The following ASTN2 variants were observed in gnomAD, a reference collection of about 807,000 sequenced individuals.
ASTN2 encodes the protein astrotactin 2.
ASTN2 carries 54 observed loss-of-function variants against 139.8 expected under a neutral mutation model. That is an observed-to-expected ratio of 0.39 (90% CI 0.31 to 0.48). ASTN2 has a LOEUF of 0.48. Among genes scored for constraint, ASTN2 ranks in the 20% least tolerant of loss-of-function variants. ASTN2 has a pLI of 0.95. For synonymous variants in ASTN2, 756 were observed against 719.5 expected (o/e 1.05, Z -0.81); for missense variants, 1,565 against 1,725.1 (o/e 0.91, Z 1.64).
intron 5 of ASTN2, among the ~76,000 whole-genome samples, chr9:117,080,402 G>A (rs144569553): frequency 5.3e-5 from 8 of 152,024 alleles, no homozygotes; most frequent in Non-Finnish European, 1.0e-4. Flanking sequence ...TTCAGTATTA[G>A]AGATTATGCT....
At chr9:116,505,654 C>T (rs755671488) in intron 19 of ASTN2, among the ~76,000 whole-genome samples, 7 of 152,144 alleles carry the variant, frequency 4.6e-5, no homozygotes, top group East Asian at 1.9e-4. Flanking sequence ...CAAGAAGTGG[C>T]GATGGGTCGG....
intron 19 of ASTN2, chr9:116,612,549 A>C (rs1855600416): frequency 1.3e-5 from 2 of 152,326 alleles, no homozygotes; most frequent in Admixed American, 1.3e-4. Context: ...TCAAACTAGA[A>C]CTCAGGATTA....
At chr9:116,924,438 A>T (rs556266114) in intron 10 of ASTN2, among the ~76,000 whole-genome samples, 34 of 151,066 alleles carry the variant, frequency 2.3e-4, no homozygotes, top group African/African-American at 8.2e-4. Flanking sequence ...TCAAAAAAAA[A>T]AAAAAAAAAA....
chr9:117,305,747 T>C (rs753242883), intron 1 of ASTN2, among the ~76,000 whole-genome samples: 2 of 152,278 alleles, frequency 1.3e-5, no homozygotes, highest in African/African-American at 2.4e-5. Context: ...GTGCTTACTC[T>C]GTGCGAGTCT....
At chr9:117,361,910 T>C (rs1481496820) in intron 1 of ASTN2, among the ~76,000 whole-genome samples, 1 of 152,200 alleles carries the variant, frequency 6.6e-6, no homozygotes, top group Admixed American at 6.5e-5. Flanking sequence ...CAGTGAATGA[T>C]GGCTAAGATT....
chr9:117,089,826 A>G (rs967999744), intron 5 of ASTN2, among the ~76,000 whole-genome samples: 36 of 152,158 alleles, frequency 2.4e-4, no homozygotes, highest in African/African-American at 8.5e-4. Flanking sequence ...ATAGTCTCCA[A>G]TCTCATCCAG....
intron 6 of ASTN2, among the ~76,000 whole-genome samples, chr9:117,015,766 A>C (rs1207369742): frequency 6.6e-6 from 1 of 152,128 alleles, no homozygotes; most frequent in Non-Finnish European, 1.5e-5. Flanking sequence ...ACATGAAAGT[A>C]CTTTTTTTTT....
At chr9:116,909,807 T>A (rs1834262936) in intron 10 of ASTN2, among the ~76,000 whole-genome samples, 1 of 152,050 alleles carries the variant, frequency 6.6e-6, no homozygotes, top group African/African-American at 2.4e-5. Flanking sequence ...CAGGAAGGAG[T>A]GACCAGCTAT....
intron 3 of ASTN2, among the ~76,000 whole-genome samples, chr9:117,151,572 C>T (rs1270396829): frequency 6.6e-6 from 1 of 152,140 alleles, no homozygotes; most frequent in South Asian, 2.1e-4. Context: ...CATCATAATA[C>T]TGAGAACCTG....
intron 1 of ASTN2, among the ~76,000 whole-genome samples, chr9:117,333,546 G>A (rs1310824363): frequency 6.6e-6 from 1 of 152,108 alleles, no homozygotes; most frequent in Non-Finnish European, 1.5e-5. Context: ...TATTGCAGGG[G>A]GGGTTGGAAC....
chr9:116,682,336 A>C (rs1859932855), intron 16 of ASTN2, among the ~76,000 whole-genome samples: 1 of 152,244 alleles, frequency 6.6e-6, no homozygotes, highest in South Asian at 2.1e-4. Context: ...ATACCATCTC[A>C]CACCAGTTAG....
intron 5 of ASTN2, 22 bp from the exon 6 acceptor site, chr9:117,039,987 A>C: frequency 6.3e-7 from 1 of 1,588,812 alleles, no homozygotes; most frequent in South Asian, 1.1e-5. Flanking sequence ...AACATACACA[A>C]AGACACAAAA....
intron 10 of ASTN2, among the ~76,000 whole-genome samples, chr9:116,932,225 C>T (rs1189158253): frequency 6.6e-6 from 1 of 152,096 alleles, no homozygotes; most frequent in Non-Finnish European, 1.5e-5. Context: ...GTGGTGGATG[C>T]ACAATGATGA....
chr9:116,812,663 C>T (rs753752868), intron 12 of ASTN2, among the ~76,000 whole-genome samples: 7 of 152,148 alleles, frequency 4.6e-5, no homozygotes, highest in Non-Finnish European at 8.8e-5. Context: ...GAGGTATTGT[C>T]TCCACTTTCA....
chr9:116,562,733 TAAAA>T (rs35878476), intron 19 of ASTN2, among the ~76,000 whole-genome samples: 2 of 64,450 alleles, frequency 3.1e-5, no homozygotes, highest in African/African-American at 6.4e-5. Context: ...ACTGCCTCAT[TAAAA>T]AAAAAAAAAA....
At chr9:117,174,449 C>T (rs1383117087) in intron 3 of ASTN2, among the ~76,000 whole-genome samples, 1 of 151,854 alleles carries the variant, frequency 6.6e-6, no homozygotes, top group African/African-American at 2.4e-5. Context: ...AAACATCAAA[C>T]AAATAGACTT....
In ASTN2 at chr9:116,670,516, A is replaced by G. The variant is rs535130964; in HGVS notation, c.2807-18723T>C. On this transcript the variant is annotated intron_variant, in intron 16 of 22. Coordinates refer to ENST00000313400, the MANE Select transcript of ASTN2 (RefSeq NM_001365068.1). Reference sequence around the variant, plus strand: ...CCTATTCTTCAAAATAAAACAGAAGAATAGATAAGCAGTGACATGAAAATA... The same window carrying G: ...CCTATTCTTCAAAATAAAACAGAAGGATAGATAAGCAGTGACATGAAAATA... 2.0e-5 allele frequency among the ~76,000 whole-genome samples: 3 copies of G among 152,360 alleles called. No individual in the cohort carries two copies. The East Asian group carries it at 5.8e-4, about 29-fold the overall frequency.
At position 117,086,777 on chromosome 9, in the gene ASTN2, G is replaced by A. The variant is rs149688416; in HGVS notation, c.1276+9267C>T. Among the ~76,000 whole-genome samples the A allele has an allele frequency of 5.6e-3, 848 of 152,202 alleles. 4 individuals carry two copies. Among genetic ancestry groups the A allele is most frequent in the South Asian group, 0.02 (94 of 4,816 alleles). On this transcript the variant is annotated intron_variant, in intron 5 of 22. Coordinates refer to ENST00000313400, the MANE Select transcript of ASTN2 (RefSeq NM_001365068.1). ...CCAGATAAACCCACCCCATGAAGGC[G>A]CTGATGCATTCACCTGTGGGTCCTC... is the stretch of plus-strand genomic sequence containing the variant.
intron 1 of ASTN2, among the ~76,000 whole-genome samples, chr9:117,318,539 A>T (rs1247373773): frequency 6.6e-6 from 1 of 152,102 alleles, no homozygotes; most frequent in Non-Finnish European, 1.5e-5. Context: ...GGTACCAGGG[A>T]GGCCAGGAAT....
Sources: gnomAD v4.1 joint callset for allele counts (sites outside exome capture counted in the v4.1 genomes callset) on GRCh38, gnomAD v4.1.1 for gene constraint, MANE v1.5 for transcripts, NCBI Gene and HGNC (gene_info 2026-07-23, HGNC 2026-07-21) for gene names.